Variants in FYCO1 observed in about 807,000 individuals in gnomAD.
FYCO1 encodes FYVE and coiled-coil domain-containing protein 1.
In FYCO1, 122 loss-of-function variants were observed where a neutral mutation model predicts 165.1. That is an observed-to-expected ratio of 0.74 (90% confidence interval 0.64 to 0.86). The LOEUF (loss-of-function observed/expected upper bound fraction) is 0.86. FYCO1 is among the 40% of genes least tolerant of loss of function. FYCO1 has a pLI of 0.00. For synonymous variants in FYCO1, 648 were observed against 742.5 expected (o/e 0.87, Z 2.07); for missense variants, 1,702 against 1,810.3 (o/e 0.94, Z 1.09).
chr3:45,968,272 TG>T lies in FYCO1; in HGVS notation c.1061del (p.Thr354AsnfsTer12), dbSNP rs761107453. The part of the protein sequence containing the change: ...LQPLAQELEA[T>X]RDSLDKKNQH... Reference sequence around the variant, plus strand: ...GGTTTTTCTTGTCCAGTGAGTCCCGTGTGGCCTCAAGCTCCTGTGCCAAGGG... The same window carrying T: ...GGTTTTTCTTGTCCAGTGAGTCCCGTTGGCCTCAAGCTCCTGTGCCAAGGG... On this transcript the variant is annotated frameshift_variant, in exon 8 of 18. Transcript: ENST00000296137. LOFTEE classifies it high-confidence loss of function. 11 of 1,613,802 alleles carry T rather than the reference TG, an allele frequency of 6.8e-6. No homozygotes were observed. Among genetic ancestry groups the T allele is most frequent in the African/African-American group, 1.3e-5 (1 of 74,926 alleles).
intron 1 of FYCO1, among the ~76,000 whole-genome samples, chr3:45,994,316 A>G (rs1313963525): frequency 1.3e-5 from 2 of 152,230 alleles, no homozygotes; most frequent in African/African-American, 4.8e-5. Flanking sequence ...TTTTTCTAAT[A>G]AAATATTAAA....
In FYCO1 at chr3:45,968,392, C is replaced by T; in HGVS notation, c.942G>A (p.Glu314=). 6.2e-7 allele frequency: 1 copy of T among 1,613,714 alleles called. No homozygotes were observed. The highest frequency in any genetic ancestry group is 8.5e-7 in the Non-Finnish European group (1 of 1,179,878). ...CCAGGCCCTGCAGGCATGTCTGCAG[C>T]TCCTTCACAGTGTTCTGGGTGGCCT... The part of the protein sequence containing the change: ...VTQATQNTVK[E]LQTCLQGLEL... The change falls in exon 8 of 18, where the codon GAG becomes GAA. Residue 314 remains glutamate (E), a synonymous_variant. Transcript: ENST00000296137.
intron 1 of FYCO1, among the ~76,000 whole-genome samples, chr3:45,987,470 G>A (rs151011651): frequency 6.6e-6 from 1 of 152,312 alleles, no homozygotes; most frequent in Non-Finnish European, 1.5e-5. Context: ...AGAAGTGGTA[G>A]ACACTCTGTG....
Position 45,967,736 on chromosome 3 carries a change from T to G in FYCO1, c.1598A>C (p.Glu533Ala). ...CTGAATGAGCTGCTTCTTCTGCTCC[T>G]CCAGGTCACTCACATGTTGGCTCAC... ...AQVSQHVSDL[E>A]EQKKQLIQDK... Residue 533 changes from glutamate (E) to alanine (A), a missense_variant, in exon 8 of 18, where the codon GAG becomes GCG. Transcript: ENST00000296137. 1 of 1,613,278 alleles carries G rather than the reference T, an allele frequency of 6.2e-7. No individual in the cohort carries two copies. The highest frequency in any genetic ancestry group is 8.5e-7 in the Non-Finnish European group (1 of 1,180,018).
At chr3:45,958,919 T>C (rs148393385) in intron 12 of FYCO1, among the ~76,000 whole-genome samples, 24 of 152,326 alleles carry the variant, frequency 1.6e-4, no homozygotes, top group Non-Finnish European at 3.1e-4. Context: ...GCTAAGGCTC[T>C]AAGAGACCAC....
Position 45,973,217 on chromosome 3 carries a change from G to A in FYCO1, c.410C>T (p.Ala137Val), listed in dbSNP as rs751793215. 6.2e-7 allele frequency: 1 copy of A among 1,614,118 alleles called. No individual in the cohort carries two copies. Among genetic ancestry groups the A allele is most frequent in the South Asian group, 1.1e-5 (1 of 91,078 alleles). ...CTTTGGCTGCAGAAAGGGGCTTCTT[G>A]CATAGTACCAGTCACTGCAGAAAAA... ...NTKVTSDWYY[A>V]RSPFLQPKLS... The change falls in exon 6 of 18, where the codon GCA becomes GTA. Residue 137 changes from alanine (A) to valine (V), a missense_variant. By Grantham distance (64) the Ala-to-Val change is moderately conservative (BLOSUM62 0). Transcript: ENST00000296137.
chr3:45,923,255 A>C (rs1703170992), intron 17 of FYCO1, among the ~76,000 whole-genome samples: 1 of 152,156 alleles, frequency 6.6e-6, no homozygotes, highest in African/African-American at 2.4e-5. Context: ...TCATTCATTC[A>C]TTCAGTCTTT....
chr3:45,970,518 T>C (rs1420576701), intron 6 of FYCO1, among the ~76,000 whole-genome samples: 1 of 152,200 alleles, frequency 6.6e-6, no homozygotes, highest in African/African-American at 2.4e-5. Context: ...TACACTGCTA[T>C]GGAAAGAGAT....
chr3:45,922,882 G>T (rs1372521729), intron 17 of FYCO1, among the ~76,000 whole-genome samples: 1 of 152,202 alleles, frequency 6.6e-6, no homozygotes, highest in East Asian at 1.9e-4. Flanking sequence ...GCCAGAAACA[G>T]ATCAGGCAGT....
chr3:45,925,141 G>A (rs1477860487), intron 16 of FYCO1, among the ~76,000 whole-genome samples: 2 of 151,318 alleles, frequency 1.3e-5, no homozygotes, highest in African/African-American at 4.9e-5. Context: ...TGTTGGCCAG[G>A]CTGGTCTCAA....
intron 16 of FYCO1, among the ~76,000 whole-genome samples, 181 bp downstream of exon 16, chr3:45,930,887 CTTT>C (rs1244360061): frequency 6.6e-6 from 1 of 152,232 alleles, no homozygotes; most frequent in African/African-American, 2.4e-5. Context: ...ACTTCTGGGT[CTTT>C]CTCTCCCCAA....
rs57543574 is a variant in FYCO1, at chr3:45,977,350, A to AATAT, written c.289-2009_289-2006dup. Among the ~76,000 whole-genome samples, 59 of 112,668 alleles carry AATAT rather than the reference A, an allele frequency of 5.2e-4. 1 individual carries two copies. Among genetic ancestry groups the AATAT allele is most frequent in the African/African-American group, 7.8e-4 (19 of 24,304 alleles). 73.9% of individuals were successfully genotyped at this position (112,668 alleles called of 152,430 possible). A position where few individuals can be genotyped will look rare whatever the true frequency, so the allele number is the denominator to read the frequency against. On this transcript the variant is annotated intron_variant, in intron 4 of 17. Coordinates refer to ENST00000296137, the MANE Select transcript of FYCO1 (RefSeq NM_024513.4). ...TTAATCAGGCCCATTAACTGAATTA[A>AATAT]ATATATATATATATATATATATATA...
In FYCO1 at chr3:45,964,877, G is replaced by A. The variant is rs1427121374; in HGVS notation, c.3150+156C>T. Among the ~76,000 whole-genome samples, 1 of 152,236 alleles carries A rather than the reference G, an allele frequency of 6.6e-6. No homozygotes were observed. Among genetic ancestry groups the A allele is most frequent in the African/African-American group, 2.4e-5 (1 of 41,456 alleles). On this transcript the variant is annotated intron_variant, in intron 9 of 17. Transcript: ENST00000296137. The surrounding 1 kb of genome is among the most constrained non-coding windows in gnomAD (Gnocchi z 4.1). ...CGGCCAGGTGTCCAGGGAATGGATGGAGGGGGTCAGGGTACAAACTAGGGT... is the reference window on the plus strand; with the variant it reads ...CGGCCAGGTGTCCAGGGAATGGATGAAGGGGGTCAGGGTACAAACTAGGGT...
rs754610983 is a variant in FYCO1 at position 45,964,351 on chromosome 3, C to T, written c.3254G>A (p.Arg1085His). The change falls in exon 10 of 18, where the codon CGT becomes CAT. Residue 1085 changes from arginine (R) to histidine (H), a missense_variant. Transcript: ENST00000296137. The surrounding 1 kb of genome is among the most constrained non-coding windows in gnomAD (Gnocchi z 4.1). ...LRKDKEGAAL[R>H]EDLERTQKEL... ...TGTGACTAACCTTTCTAGGTCTTCA[C>T]GCAGGGCAGCCCCCTCCTTGTCCTT... is the stretch of plus-strand genomic sequence containing the variant. The T allele has an allele frequency of 6.2e-6, 10 of 1,613,736 alleles. No individual in the cohort carries two copies. The highest frequency in any genetic ancestry group is 2.7e-5 in the African/African-American group (2 of 74,932).
chr3:45,923,658 T>C lies in FYCO1; in HGVS notation c.4359A>G (p.Ser1453=). ...GCTGGTGCCTGAGGTGGCCCTACCTTGAGAAGGTATTGTCGAAGATGAGCA... is the reference window on the plus strand; with the variant it reads ...GCTGGTGCCTGAGGTGGCCCTACCTCGAGAAGGTATTGTCGAAGATGAGCA... ...IYMLIFDNTF[S]RFVSKKVFYH... Residue 1453 remains serine (S), a splice_region_variant and synonymous_variant, in exon 17 of 18, where the codon TCA becomes TCG. Transcript: ENST00000296137. 1 of 1,606,858 alleles carries C rather than the reference T, an allele frequency of 6.2e-7. No homozygotes were observed. Among genetic ancestry groups the C allele is most frequent in the Non-Finnish European group, 8.5e-7 (1 of 1,173,490 alleles).
intron 1 of FYCO1, among the ~76,000 whole-genome samples, chr3:45,995,059 C>A (rs1707740814): frequency 6.6e-6 from 1 of 151,394 alleles, no homozygotes; most frequent in Non-Finnish European, 1.5e-5. Context: ...CCGCCCCACC[C>A]CCGCCAGGTT....
intron 16 of FYCO1, among the ~76,000 whole-genome samples, chr3:45,928,303 C>T (rs74567983): frequency 0.014 from 2,096 of 152,296 alleles, 20 homozygotes; most frequent in Middle Eastern, 0.058. Flanking sequence ...TCCTCTGACT[C>T]CCTCTGAAGC....
In FYCO1 at chr3:45,959,417, C is replaced by T; in HGVS notation, c.3563G>A (p.Trp1188Ter). ...CCTGCAGTGGTGCCGCCGCACCATC[C>T]AGCTGAACTCCCGCTTACAGTCGAG... is the stretch of plus-strand genomic sequence containing the variant. ...HCLDCKREFSWMVRRHHCRIC... is the reference protein window; with the variant it reads ...HCLDCKREFS The change falls in exon 12 of 18, where the codon TGG (tryptophan) becomes TAG (stop). Residue 1188 changes from tryptophan (W) to a stop codon, truncating the protein, a stop_gained. Coordinates refer to ENST00000296137, the MANE Select transcript of FYCO1 (RefSeq NM_024513.4). LOFTEE classifies it high-confidence loss of function. 6.2e-7 allele frequency: 1 copy of T among 1,614,078 alleles called. No individual in the cohort carries two copies. The highest frequency in any genetic ancestry group is 1.3e-5 in the African/African-American group (1 of 75,074).
rs747616914 is a variant in FYCO1, at chr3:45,923,731, T to C, written c.4286A>G (p.Lys1429Arg). 3.7e-6 allele frequency: 6 copies of C among 1,613,990 alleles called. No homozygotes were observed. ...LIPTTRCNSH[K>R]ENIQGQLKVR... The stretch of plus-strand genomic sequence containing the variant: ...CTTGAGCTGGCCCTGGATGTTCTCC[T>C]TGTGGGAGTTGCATCGGGTCGTGGG... The change falls in exon 17 of 18, where the codon AAG (lysine) becomes AGG (arginine). Residue 1429 changes from lysine to arginine, a missense_variant. By Grantham distance (26) the Lys-to-Arg change is conservative. Transcript: ENST00000296137.
Sources: gnomAD v4.1 joint callset for allele counts (sites outside exome capture counted in the v4.1 genomes callset) on GRCh38, gnomAD v4.1.1 for gene constraint, Gnocchi (gnomAD v3.1) non-coding constraint, MANE v1.5 for transcripts, NCBI Gene and HGNC (gene_info 2026-07-23, HGNC 2026-07-21) for gene names.